The following ANKMY1 variants were observed in gnomAD, a reference collection of about 807,000 sequenced individuals.
The protein encoded by ANKMY1 is ankyrin repeat and MYND domain containing 1.
Under a neutral mutation model 102.0 loss-of-function variants are expected in ANKMY1, and 98 were observed. The ratio of observed to expected loss-of-function variants is 0.96; its 90% CI spans 0.82 to 1.14. The LOEUF (loss-of-function observed/expected upper bound fraction) is 1.14. Among genes scored for constraint, ANKMY1 ranks in the 50% most tolerant of loss-of-function variants. ANKMY1 has a pLI of 0.00. For synonymous variants in ANKMY1, 582 were observed against 559.9 expected (o/e 1.04, Z -0.56); for missense variants, 1,330 against 1,347.6 (o/e 0.99, Z 0.20).
intron 7 of ANKMY1, among the ~76,000 whole-genome samples, chr2:240,525,007 CTG>C (rs1194854675): frequency 6.6e-6 from 1 of 152,216 alleles, no homozygotes; most frequent in Non-Finnish European, 1.5e-5. Flanking sequence ...AGCTTGAAAA[CTG>C]TATTTGTTTT....
downstream of ANKMY1, among the ~76,000 whole-genome samples, chr2:240,478,244 C>T (rs984359402): frequency 1.3e-5 from 2 of 152,220 alleles, no homozygotes; most frequent in African/African-American, 4.8e-5. Context: ...TTTCTTTATA[C>T]ATTTTCCGGT....
At position 240,511,900 on chromosome 2, in the gene ANKMY1, C is replaced by T. The variant is rs752258407; in HGVS notation, c.2247G>A (p.Thr749=). The T allele has an allele frequency of 1.4e-5, 22 of 1,587,366 alleles. No homozygotes were observed. The highest frequency in any genetic ancestry group is 2.7e-5 in the African/African-American group (2 of 73,190). Residue 749 remains threonine (T), a synonymous_variant, in exon 11 of 18, where the codon ACG becomes ACA. Coordinates refer to ENST00000401804, the MANE Select transcript of ANKMY1 (RefSeq NM_001282771.3). ...CCCGCTCGCAGGCCATGTGCAGAGCCGTCCTGCCCCCCTCCTCCGGGAGGG... is the reference window on the plus strand; with the variant it reads ...CCCGCTCGCAGGCCATGTGCAGAGCTGTCCTGCCCCCCTCCTCCGGGAGGG... ...DTALPEEGGR[T]ALHMACERED... is the part of the protein sequence containing the mutation.
intron 4 of ANKMY1, among the ~76,000 whole-genome samples, chr2:240,544,353 C>T (rs1278903415): frequency 2.0e-5 from 3 of 152,158 alleles, no homozygotes; most frequent in Non-Finnish European, 2.9e-5. Context: ...TCCTGTTTCT[C>T]TGTGTATCTA....
intron 9 of ANKMY1, among the ~76,000 whole-genome samples, chr2:240,515,971 A>G (rs1171691854): frequency 3.3e-5 from 5 of 150,544 alleles, no homozygotes; most frequent in Non-Finnish European, 7.4e-5. Flanking sequence ...TGATCTGCCC[A>G]CCTCAGCCTC....
intron 15 of ANKMY1, 122 bp from the exon 16 acceptor site, chr2:240,482,383 G>T: frequency 1.2e-6 from 1 of 841,566 alleles, no homozygotes; most frequent in Non-Finnish European, 1.8e-6. Context: ...GCGGATAGGG[G>T]GAAGCAAGCC....
rs756465276 is a variant in ANKMY1 at position 240,500,579 on chromosome 2, A to G, written c.2527-14T>C. On this transcript the variant is annotated splice_polypyrimidine_tract_variant and intron_variant, in intron 13 of 17. Coordinates refer to ENST00000401804, the MANE Select transcript of ANKMY1 (RefSeq NM_001282771.3). ...GAGTCGGTCAATCTGTGGAGAACAG[A>G]ACCAGGTCAAACACGCAAGGACATC... is the stretch of plus-strand genomic sequence containing the variant. The G allele has an allele frequency of 6.8e-6, 11 of 1,610,622 alleles. No homozygotes were observed. In the African/African-American group the frequency reaches 1.2e-4, roughly 18 times the overall value.
chr2:240,543,114 C>G (rs574300323), intron 4 of ANKMY1, among the ~76,000 whole-genome samples: 1 of 151,942 alleles, frequency 6.6e-6, no homozygotes, highest in Admixed American at 6.6e-5. Context: ...ATTTGGGAGG[C>G]CAAGGCGGGC....
chr2:240,558,028 G>T, upstream of ANKMY1: 1 of 957,546 alleles, frequency 1.0e-6, no homozygotes, highest in Non-Finnish European at 1.2e-6. Context: ...CCCGCCCCAT[G>T]CCCGCTGCCA....
downstream of ANKMY1, among the ~76,000 whole-genome samples, chr2:240,477,819 G>A (rs1260246546): frequency 6.6e-6 from 1 of 152,090 alleles, no homozygotes; most frequent in Non-Finnish European, 1.5e-5. Context: ...GATGTTCATG[G>A]CCTAGTTCAG....
intron 15 of ANKMY1, among the ~76,000 whole-genome samples, chr2:240,492,003 TAA>T (rs557401491): frequency 6.4e-4 from 94 of 147,688 alleles, no homozygotes; most frequent in African/African-American, 2.0e-3. Context: ...AGTTTTCTTT[TAA>T]AAAAAAAAAC....
intron 5 of ANKMY1, chr2:240,526,987 T>G: frequency 9.9e-7 from 1 of 1,005,624 alleles, no homozygotes. Context: ...CCTAACAGTC[T>G]TCAACAATTA....
intron 5 of ANKMY1, among the ~76,000 whole-genome samples, chr2:240,528,349 A>T (rs2084394310): frequency 7.4e-6 from 1 of 135,624 alleles, no homozygotes; most frequent in Non-Finnish European, 1.5e-5. Context: ...ACTTTTCTGG[A>T]GCTCTGGGTA....
rs1053445478 is a variant in ANKMY1 at position 240,524,174 on chromosome 2, G to C, written c.1543C>G (p.His515Asp). 5.0e-6 allele frequency: 8 copies of C among 1,613,916 alleles called. 1 individual carries two copies. In the South Asian group the frequency reaches 8.8e-5, roughly 18 times the overall value. ...TCCCCCTTCAGAGAGCTGCTCCTGT[G>C]GTCTATGGACCCCCCACACTGCCCG... is the stretch of plus-strand genomic sequence containing the variant. Reference protein sequence around the residue: ...DTGQCGGSIDHRSSSLKGDSP... With the variant: ...DTGQCGGSIDDRSSSLKGDSP... Residue 515 changes from histidine to aspartate, a missense_variant, in exon 8 of 18, where the codon CAC becomes GAC. Coordinates refer to ENST00000401804, the MANE Select transcript of ANKMY1 (RefSeq NM_001282771.3).
intron 2 of ANKMY1, 65 bp from the exon 3 acceptor site, chr2:240,555,120 G>A: frequency 6.5e-7 from 1 of 1,537,138 alleles, no homozygotes; most frequent in Non-Finnish European, 8.9e-7. Flanking sequence ...TGACTGCTGA[G>A]CACAACCCCC....
chr2:240,498,354 G>A (rs2077556518), intron 15 of ANKMY1, among the ~76,000 whole-genome samples: 1 of 151,892 alleles, frequency 6.6e-6, no homozygotes, highest in South Asian at 2.1e-4. Flanking sequence ...TTTGGGAGGT[G>A]GGTGTGGGGT....
At chr2:240,500,856 CAG>C (rs1234097330) in intron 13 of ANKMY1, among the ~76,000 whole-genome samples, 1 of 152,252 alleles carries the variant, frequency 6.6e-6, no homozygotes, top group Non-Finnish European at 1.5e-5. Flanking sequence ...ATAGAATCGA[CAG>C]AGTCTGTGAC....
chr2:240,479,725 CAGAA>C, intron 17 of ANKMY1, 70 bp from the exon 18 acceptor site: 1 of 1,447,206 alleles, frequency 6.9e-7, no homozygotes, highest in Non-Finnish European at 9.6e-7. Context: ...GGCCTGGCTC[CAGAA>C]CTCGGGCTGT....
At chr2:240,551,362 C>T (rs1054870046) in intron 4 of ANKMY1, among the ~76,000 whole-genome samples, 6 of 152,096 alleles carry the variant, frequency 3.9e-5, no homozygotes, top group Admixed American at 6.6e-5. Context: ...TTCATGGCAA[C>T]GTGTTTGTTT....
At chr2:240,534,718 T>G (rs1266222456) in intron 4 of ANKMY1, among the ~76,000 whole-genome samples, 2 of 152,186 alleles carry the variant, frequency 1.3e-5, no homozygotes, top group African/African-American at 4.8e-5. Context: ...TTTGACAGAA[T>G]TATAAGAATA....
Sources: allele counts gnomAD v4.1 joint callset (sites outside exome capture counted in the v4.1 genomes callset), GRCh38; gene constraint gnomAD v4.1.1; transcripts MANE v1.5; gene names NCBI Gene and HGNC (gene_info 2026-07-23, HGNC 2026-07-21).